The following UTRN variants were observed in gnomAD, a reference collection of about 807,000 sequenced individuals.
UTRN encodes the protein dystrophin-related protein 1.
A neutral mutation model predicts 463.9 loss-of-function variants in UTRN; 283 were observed. That is an observed-to-expected ratio of 0.61 (90% CI 0.55 to 0.67). The LOEUF (loss-of-function observed/expected upper bound fraction) is 0.67. Among genes scored for constraint, UTRN ranks in the 30% least tolerant of loss-of-function variants. UTRN has a pLI of 0.00. For synonymous variants in UTRN, 1,442 were observed against 1,431.5 expected (o/e 1.01, Z -0.17); for missense variants, 3,922 against 4,084.3 (o/e 0.96, Z 1.08).
chr6:144,447,482 A>G lies in UTRN; in HGVS notation c.1723-120A>G, dbSNP rs893880491. ...AACCACGAGTCTTACCTTTTAGCAT[A>G]GTGAACTGCAAAGCATGTACATTTT... On this transcript the variant is annotated intron_variant, in intron 15 of 74. Coordinates refer to ENST00000367545, the MANE Select transcript of UTRN (RefSeq NM_007124.3). 7 of 1,326,076 alleles carry G rather than the reference A, an allele frequency of 5.3e-6. No homozygotes were observed. The Admixed American group carries it at 1.4e-4, about 26-fold the overall frequency. The allele number at this position is 1,326,076 out of a possible 1,614,324, so 82.1% of individuals were successfully genotyped here.
At chr6:144,631,506 G>T (rs1241643950) in intron 51 of UTRN, among the ~76,000 whole-genome samples, 1 of 152,186 alleles carries the variant, frequency 6.6e-6, no homozygotes, top group East Asian at 1.9e-4. Flanking sequence ...AATTTGTGGG[G>T]ATACATAATT....
chr6:144,597,235 CAAAAA>C (rs67471247), intron 51 of UTRN, among the ~76,000 whole-genome samples: 1 of 85,744 alleles, frequency 1.2e-5, no homozygotes, highest in Non-Finnish European at 2.6e-5. Context: ...GAGACTGTCT[CAAAAA>C]AAAAAAAAAA....
At chr6:144,850,395 CT>C (rs1384264426) in intron 74 of UTRN, among the ~76,000 whole-genome samples, 1 of 151,708 alleles carries the variant, frequency 6.6e-6, no homozygotes, top group Non-Finnish European at 1.5e-5. Context: ...CATTTTAGCA[CT>C]TTTTTTTTAT....
At chr6:144,631,236 A>G (rs1002171421) in intron 51 of UTRN, among the ~76,000 whole-genome samples, 86 of 103,570 alleles carry the variant, frequency 8.3e-4, no homozygotes, top group Non-Finnish European at 1.5e-3. Flanking sequence ...TGAGAGAGAG[A>G]GGTGTGTGTG....
chr6:144,549,804 G>A (rs1448691571), intron 47 of UTRN, among the ~76,000 whole-genome samples: 1 of 152,192 alleles, frequency 6.6e-6, no homozygotes, highest in African/African-American at 2.4e-5. Flanking sequence ...CAACATTTGT[G>A]CAATTAAGAA....
intron 51 of UTRN, among the ~76,000 whole-genome samples, chr6:144,678,130 A>T (rs963370608): frequency 6.6e-6 from 1 of 152,058 alleles, no homozygotes; most frequent in African/African-American, 2.4e-5. Flanking sequence ...GCTACCATTG[A>T]CTTTCTTCAC....
chr6:144,830,338 A>T (rs544083853), intron 69 of UTRN, among the ~76,000 whole-genome samples: 48 of 152,228 alleles, frequency 3.2e-4, no homozygotes, highest in African/African-American at 1.2e-3. Context: ...CACCCATCCA[A>T]CAGACAGTTG....
intron 53 of UTRN, among the ~76,000 whole-genome samples, chr6:144,704,109 T>C (rs1784847673): frequency 2.6e-5 from 4 of 152,164 alleles, no homozygotes; most frequent in African/African-American, 9.7e-5. Context: ...TCATCATCCA[T>C]TTAAAACCTA....
chr6:144,613,666 A>G (rs1424696507), intron 51 of UTRN, among the ~76,000 whole-genome samples: 1 of 151,972 alleles, frequency 6.6e-6, no homozygotes, highest in East Asian at 1.9e-4. Context: ...AGTGTTAAAA[A>G]TGACCTATAT....
At chr6:144,838,965 C>A in intron 71 of UTRN, 1 of 472,652 alleles carries the variant, frequency 2.1e-6, no homozygotes, top group South Asian at 3.6e-5. Context: ...GCAGCATAAC[C>A]AAGTGGATTC....
intron 23 of UTRN, among the ~76,000 whole-genome samples, chr6:144,468,795 G>T (rs1025248162): frequency 2.0e-5 from 3 of 152,172 alleles, no homozygotes; most frequent in African/African-American, 7.2e-5. Context: ...TTGACTTAAA[G>T]ATGAGCAGAC....
intron 3 of UTRN, among the ~76,000 whole-genome samples, chr6:144,417,386 T>C (rs1192113475): frequency 6.6e-6 from 1 of 152,198 alleles, no homozygotes; most frequent in African/African-American, 2.4e-5. Context: ...GCCTCTCATT[T>C]GTTAAGTCAC....
intron 21 of UTRN, among the ~76,000 whole-genome samples, chr6:144,460,214 T>C (rs1425604713): frequency 6.6e-6 from 1 of 152,188 alleles, no homozygotes; most frequent in Non-Finnish European, 1.5e-5. Flanking sequence ...ACTTTTGGAA[T>C]ACACTTGGTT....
At chr6:144,530,899 T>C (rs1258760548) in intron 41 of UTRN, among the ~76,000 whole-genome samples, 153 bp from the exon 42 acceptor site, 1 of 152,200 alleles carries the variant, frequency 6.6e-6, no homozygotes, top group Non-Finnish European at 1.5e-5. Flanking sequence ...TGTATCCCAC[T>C]ACGAAAATTG....
intron 35 of UTRN, among the ~76,000 whole-genome samples, chr6:144,511,648 TA>T (rs1795182636): frequency 6.6e-6 from 1 of 152,216 alleles, no homozygotes; most frequent in Non-Finnish European, 1.5e-5. Context: ...TTATGAGCCT[TA>T]AACATGTAGT....
intron 57 of UTRN, 117 bp from the exon 58 acceptor site, chr6:144,757,812 C>T: frequency 3.5e-6 from 3 of 849,674 alleles, no homozygotes; most frequent in South Asian, 2.4e-5. Flanking sequence ...TATAGGAATC[C>T]AGCTCAGAAA....
At position 144,459,281 on chromosome 6, in the gene UTRN, C is replaced by G; in HGVS notation, c.2634C>G (p.Gly878=). The G allele has an allele frequency of 6.2e-7, 1 of 1,614,112 alleles. No homozygotes were observed. Among genetic ancestry groups the G allele is most frequent in the Non-Finnish European group, 8.5e-7 (1 of 1,180,008 alleles). ...QPSAPDFVQR[G]FDSFLGRYQA... Reference sequence around the variant, plus strand: ...CTGCCCCAGATTTTGTCCAGCGGGGCTTCGATAGCTTTCTGGGCCGCTACC... The same window carrying G: ...CTGCCCCAGATTTTGTCCAGCGGGGGTTCGATAGCTTTCTGGGCCGCTACC... The change falls in exon 21 of 75, where the codon GGC becomes GGG. Residue 878 remains glycine (G), a synonymous_variant. Coordinates refer to ENST00000367545, the MANE Select transcript of UTRN (RefSeq NM_007124.3).
At chr6:144,803,281 A>T in intron 65 of UTRN, 134 bp downstream of exon 65, 1 of 476,542 alleles carries the variant, frequency 2.1e-6, no homozygotes, top group East Asian at 3.8e-5. Context: ...TCTTTTAAGT[A>T]AACTCATTTA....
intron 51 of UTRN, among the ~76,000 whole-genome samples, chr6:144,627,052 C>T (rs1562670438): frequency 6.6e-6 from 1 of 151,872 alleles, no homozygotes; most frequent in Non-Finnish European, 1.5e-5. Flanking sequence ...AGTTTTAGGC[C>T]CCATTCAGTA....
Sources: allele counts gnomAD v4.1 joint callset (sites outside exome capture counted in the v4.1 genomes callset), GRCh38; gene constraint gnomAD v4.1.1; transcripts MANE v1.5; gene names NCBI Gene and HGNC (gene_info 2026-07-23, HGNC 2026-07-21).